SAMD12: variants seen among roughly 807,000 people sequenced by gnomAD.
The protein encoded by SAMD12 is sterile alpha motif domain-containing protein 12.
SAMD12 carries 9 observed loss-of-function variants against 15.0 expected under a neutral mutation model. The observed-to-expected ratio is 0.60, with a 90% CI of 0.36 to 1.05. The LOEUF (loss-of-function observed/expected upper bound fraction) is 1.05, where lower values mean the gene tolerates loss of function less well. Among genes scored for constraint, SAMD12 ranks in the 50% least tolerant of loss-of-function variants. The probability of loss-of-function intolerance (pLI) is 0.01; values close to 1 mark genes in which losing one functional copy is unlikely to be tolerated. For missense variants in SAMD12, 230 were observed against 234.2 expected, an observed-to-expected ratio of 0.98 and a Z score of 0.12; for synonymous variants, 86 against 90.1, an observed-to-expected ratio of 0.96 and a Z score of 0.25.
intron 4 of SAMD12, among the ~76,000 whole-genome samples, chr8:118,360,607 A>G (rs539537794): frequency 2.3e-4 from 35 of 152,284 alleles, no homozygotes; most frequent in Non-Finnish European, 4.9e-4. Flanking sequence ...ATAGGAAGGA[A>G]AATGGTAATG....
At chr8:118,549,786 T>A (rs959268651) in intron 2 of SAMD12, among the ~76,000 whole-genome samples, 3 of 151,918 alleles carry the variant, frequency 2.0e-5, no homozygotes, top group African/African-American at 7.3e-5. Context: ...TTGAAAAAAA[T>A]TTAGACGAAT....
intron 4 of SAMD12, among the ~76,000 whole-genome samples, chr8:118,333,380 C>T (rs1270007487): frequency 1.3e-5 from 2 of 152,124 alleles, no homozygotes; most frequent in Non-Finnish European, 2.9e-5. Flanking sequence ...TCTACCACTC[C>T]CTGGGTAGAA....
intron 4 of SAMD12, among the ~76,000 whole-genome samples, chr8:118,297,945 T>A (rs1394172395): frequency 3.9e-5 from 6 of 152,138 alleles, no homozygotes; most frequent in Non-Finnish European, 8.8e-5. Context: ...AAAAAATGAA[T>A]GTGGGAAAGC....
intron 4 of SAMD12, among the ~76,000 whole-genome samples, chr8:118,209,629 A>G (rs1464719220): frequency 1.3e-5 from 2 of 152,096 alleles, no homozygotes; most frequent in African/African-American, 4.8e-5. Context: ...GGATCTTGCA[A>G]TTTACCAGGT....
At chr8:118,224,905 G>A (rs537914888) in intron 4 of SAMD12, among the ~76,000 whole-genome samples, 37 of 152,250 alleles carry the variant, frequency 2.4e-4, no homozygotes, top group African/African-American at 8.7e-4. Context: ...GTAACTTATT[G>A]TTGAGCAAAC....
At chr8:118,216,044 A>T (rs1811952214) in intron 4 of SAMD12, among the ~76,000 whole-genome samples, 1 of 151,756 alleles carries the variant, frequency 6.6e-6, no homozygotes, top group South Asian at 2.1e-4. Flanking sequence ...CACCACACTG[A>T]CTTCCACAAT....
chr8:118,619,023 T>C (rs1235073680), intron 1 of SAMD12, among the ~76,000 whole-genome samples: 1 of 152,128 alleles, frequency 6.6e-6, no homozygotes, highest in Non-Finnish European at 1.5e-5. Flanking sequence ...GGTAAACTGA[T>C]CATTACTTGG....
intron 3 of SAMD12, among the ~76,000 whole-genome samples, chr8:118,390,287 C>T (rs749974267): frequency 6.6e-6 from 1 of 152,146 alleles, no homozygotes; most frequent in African/African-American, 2.4e-5. Context: ...GGATTACAGG[C>T]GTGAGCCACT....
intron 4 of SAMD12, among the ~76,000 whole-genome samples, chr8:118,356,629 G>C (rs576707583): frequency 1.3e-5 from 2 of 152,294 alleles, no homozygotes; most frequent in African/African-American, 4.8e-5. Flanking sequence ...TGGCATACTT[G>C]ACACAGATAT....
intron 2 of SAMD12, among the ~76,000 whole-genome samples, chr8:118,537,097 A>G (rs1825865574): frequency 6.6e-6 from 1 of 152,078 alleles, no homozygotes; most frequent in Non-Finnish European, 1.5e-5. Context: ...TAAATTGGTC[A>G]TGCCACTCTT....
intron 4 of SAMD12, among the ~76,000 whole-genome samples, chr8:118,276,797 C>T (rs934402884): frequency 1.3e-5 from 2 of 152,092 alleles, no homozygotes; most frequent in Admixed American, 1.3e-4. Context: ...CTCAACTTCC[C>T]AATTAACTGG....
At chr8:118,200,444 A>G (rs570494064) in intron 4 of SAMD12, among the ~76,000 whole-genome samples, 1 of 150,800 alleles carries the variant, frequency 6.6e-6, no homozygotes, top group East Asian at 2.0e-4. Flanking sequence ...AAATGAATTT[A>G]TATTAGAGCA....
At chr8:118,554,960 C>T (rs77849037) in intron 2 of SAMD12, among the ~76,000 whole-genome samples, 1 of 152,104 alleles carries the variant, frequency 6.6e-6, no homozygotes, top group Non-Finnish European at 1.5e-5. Context: ...ATTTCTAACT[C>T]CTCTGTTTCT....
At chr8:118,260,016 T>C (rs1017397839) in intron 4 of SAMD12, among the ~76,000 whole-genome samples, 1 of 152,134 alleles carries the variant, frequency 6.6e-6, no homozygotes, top group Non-Finnish European at 1.5e-5. Context: ...CAAATGTTAT[T>C]CTAGGTGCTG....
At chr8:118,382,364 C>T (rs556735193) in intron 3 of SAMD12, among the ~76,000 whole-genome samples, 1 of 152,190 alleles carries the variant, frequency 6.6e-6, no homozygotes, top group Non-Finnish European at 1.5e-5. Flanking sequence ...AGTGTTAAGG[C>T]ATCAGAGCGA....
chr8:118,246,094 T>A (rs2129990218), intron 4 of SAMD12, among the ~76,000 whole-genome samples: 1 of 152,252 alleles, frequency 6.6e-6, no homozygotes, highest in Non-Finnish European at 1.5e-5. Flanking sequence ...TATGTGGGTA[T>A]CAAACACTGT....
At chr8:118,304,194 C>T (rs368162307) in intron 4 of SAMD12, among the ~76,000 whole-genome samples, 8 of 152,302 alleles carry the variant, frequency 5.3e-5, no homozygotes, top group South Asian at 4.1e-4. Context: ...ATTTTGCCTT[C>T]GCTTTCTCAC....
intron 1 of SAMD12, among the ~76,000 whole-genome samples, chr8:118,611,808 G>A (rs1259984942): frequency 6.6e-6 from 1 of 151,962 alleles, no homozygotes; most frequent in Non-Finnish European, 1.5e-5. Flanking sequence ...CCATTCTATG[G>A]TCCCAGAGAC....
At chr8:118,356,437 C>G (rs536005906) in intron 4 of SAMD12, among the ~76,000 whole-genome samples, 1 of 152,110 alleles carries the variant, frequency 6.6e-6, no homozygotes, top group Non-Finnish European at 1.5e-5. Flanking sequence ...GATATTCATG[C>G]GAACAAACCT....
Sources: gnomAD v4.1 joint callset for allele counts (sites outside exome capture counted in the v4.1 genomes callset) on GRCh38, gnomAD v4.1.1 for gene constraint, MANE v1.5 for transcripts, NCBI Gene and HGNC (gene_info 2026-07-23, HGNC 2026-07-21) for gene names.